Variants in RUVBL1 observed in about 807,000 individuals in gnomAD.
RUVBL1 encodes ruvB-like 1.
Under a neutral mutation model 52.4 loss-of-function variants are expected in RUVBL1, and 4 were observed. The ratio of observed to expected loss-of-function variants is 0.08; its 90% CI spans 0.04 to 0.17. RUVBL1 has a LOEUF of 0.17. Ranked by LOEUF, RUVBL1 falls within the 10% of genes least tolerant of loss-of-function variation. The pLI is 1.00. For synonymous variants in RUVBL1, 217 were observed against 214.4 expected, an observed-to-expected ratio of 1.01 and a Z score of -0.10; for missense variants, 298 against 572.8, an observed-to-expected ratio of 0.52 and a Z score of 4.90.
At chr3:128,149,277 C>T (rs1486332931) in intron 1 of RUVBL1, among the ~76,000 whole-genome samples, 3 of 151,470 alleles carry the variant, frequency 2.0e-5, no homozygotes, top group East Asian at 1.9e-4. Context: ...CTCTGCATCC[C>T]GGGTTCAAGC....
At chr3:128,138,388 A>G (rs1943976239) in intron 1 of RUVBL1, among the ~76,000 whole-genome samples, 1 of 152,192 alleles carries the variant, frequency 6.6e-6, no homozygotes, top group South Asian at 2.1e-4. Context: ...GTCAACATGC[A>G]AAAATCAGTA....
At chr3:128,145,655 T>G (rs1379738651) in intron 1 of RUVBL1, among the ~76,000 whole-genome samples, 1 of 152,062 alleles carries the variant, frequency 6.6e-6, no homozygotes, top group African/African-American at 2.4e-5. Flanking sequence ...CAGGGTGAGC[T>G]GGGGTGGGGT....
chr3:128,067,432 TG>T lies in RUVBL1; in HGVS notation c.940-2213del. 6.2e-7 allele frequency: 1 copy of T among 1,611,976 alleles called. No homozygotes were observed. ...TTCTTCTTCCCCAGGACACGTCTTCTGGGGGCCCAGCACGTGCTTATCCAGT... is the reference window on the plus strand; with the variant it reads ...TTCTTCTTCCCCAGGACACGTCTTCTGGGGCCCAGCACGTGCTTATCCAGT... On this transcript the variant is annotated intron_variant, in intron 9 of 9. Transcript: ENST00000464873. This position sits in a 1 kb window ranked among gnomAD's most constrained non-coding sequence, Gnocchi z 4.1.
At chr3:128,100,059 C>T (rs774206928) in intron 6 of RUVBL1, among the ~76,000 whole-genome samples, 6 of 152,184 alleles carry the variant, frequency 3.9e-5, no homozygotes, top group Non-Finnish European at 7.3e-5. Context: ...CAAACTATTC[C>T]CTAATAGTGA....
At chr3:128,078,507 T>A (rs901453726), downstream of RUVBL1, among the ~76,000 whole-genome samples, 5 of 152,014 alleles carry the variant, frequency 3.3e-5, no homozygotes, top group Non-Finnish European at 4.4e-5. Flanking sequence ...AATTCCTCCC[T>A]CCCTCTCCTC....
At chr3:128,068,758 A>ACTCTTCAGTCTGCACAGTC (rs1392647500) in intron 9 of RUVBL1, 2 of 152,652 alleles carry the variant, frequency 1.3e-5, no homozygotes, top group African/African-American at 4.8e-5. Context: ...CTGCCACAGC[A>ACTCTTCAGTCTGCACAGTC]CTCTTCAGTC....
At chr3:128,152,414 G>A (rs949127528) in intron 1 of RUVBL1, among the ~76,000 whole-genome samples, 2 of 152,110 alleles carry the variant, frequency 1.3e-5, no homozygotes, top group South Asian at 4.1e-4. Flanking sequence ...AACTCAAACA[G>A]CAACTCCTAG....
At chr3:128,122,451 G>A (rs1943671793) in intron 1 of RUVBL1, among the ~76,000 whole-genome samples, 1 of 152,190 alleles carries the variant, frequency 6.6e-6, no homozygotes, top group South Asian at 2.1e-4. Flanking sequence ...CAACTAATAC[G>A]TTGGATATGA....
In RUVBL1 at chr3:128,123,731, G is replaced by A. The variant is rs889599880; in HGVS notation, c.-7C>T. The A allele has an allele frequency of 8.8e-6, 14 of 1,595,448 alleles. No homozygotes were observed. In the African/African-American group the frequency reaches 1.1e-4, roughly 12 times the overall value. ...TCACCTCCTCAATCTTCATTTTGCA[G>A]ACGCCGGGAGCTAAAACCAGCGTGG... On this transcript the variant is annotated 5_prime_UTR_variant, in exon 1 of 11. Coordinates refer to ENST00000322623, the MANE Select transcript of RUVBL1 (RefSeq NM_003707.3).
intron 1 of RUVBL1, among the ~76,000 whole-genome samples, chr3:128,146,845 GTTTGTGT>G (rs1559839536): frequency 6.7e-6 from 1 of 149,542 alleles, no homozygotes; most frequent in African/African-American, 2.5e-5. Context: ...ACTTGTGTGC[GTTTGTGT>G]CTCTGTGAGT....
intron 3 of RUVBL1, among the ~76,000 whole-genome samples, chr3:128,105,267 C>T (rs1943205372): frequency 6.6e-6 from 1 of 151,852 alleles, no homozygotes; most frequent in African/African-American, 2.4e-5. Flanking sequence ...CTACAGGCGC[C>T]CGCCACCACG....
chr3:128,092,845 A>G (rs1942876302), intron 8 of RUVBL1, among the ~76,000 whole-genome samples: 1 of 152,210 alleles, frequency 6.6e-6, no homozygotes, highest in African/African-American at 2.4e-5. Flanking sequence ...ACTCCTAGGT[A>G]CATAACCGAA....
chr3:128,118,456 A>C (rs1943574380), intron 2 of RUVBL1, among the ~76,000 whole-genome samples: 1 of 152,220 alleles, frequency 6.6e-6, no homozygotes, highest in Non-Finnish European at 1.5e-5. Flanking sequence ...GACCTGCCTC[A>C]GGTCTCATAG....
At chr3:128,126,418 C>T (rs376149621), upstream of RUVBL1, among the ~76,000 whole-genome samples, 10 of 152,172 alleles carry the variant, frequency 6.6e-5, no homozygotes, top group East Asian at 5.8e-4. Context: ...TGATGGCAGG[C>T]GCCTGTAACC....
intron 9 of RUVBL1, chr3:128,069,733 G>A (rs1559800336): frequency 1.1e-5 from 14 of 1,287,204 alleles, no homozygotes; most frequent in East Asian, 4.7e-5. Context: ...ATCATGGCGC[G>A]TGCTGCTGCG....
At chr3:128,123,979 C>T (rs1943724153), upstream of RUVBL1, 1 of 922,844 alleles carries the variant, frequency 1.1e-6, no homozygotes, top group Non-Finnish European at 1.3e-6. Flanking sequence ...CCGGCGCTTC[C>T]TGCCGAGGCT....
intron 3 of RUVBL1, among the ~76,000 whole-genome samples, chr3:128,107,582 G>A (rs1033307273): frequency 1.3e-5 from 2 of 152,138 alleles, no homozygotes; most frequent in African/African-American, 2.4e-5. Context: ...ACCCAGTCAG[G>A]ACAAAGACTC....
downstream of RUVBL1, among the ~76,000 whole-genome samples, chr3:128,077,014 A>G (rs952146063): frequency 1.7e-4 from 26 of 151,656 alleles, no homozygotes; most frequent in Non-Finnish European, 3.8e-4. Context: ...GCAGGCGCCC[A>G]TCGGCCCATC....
chr3:128,104,711 C>T (rs1943182802), intron 4 of RUVBL1, 62 bp downstream of exon 4: 3 of 1,465,830 alleles, frequency 2.0e-6, no homozygotes, highest in Non-Finnish European at 2.8e-6. Context: ...GTTACACCAC[C>T]TGCCCAAAGC....
Sources: allele counts gnomAD v4.1 joint callset (sites outside exome capture counted in the v4.1 genomes callset), GRCh38; gene constraint gnomAD v4.1.1; non-coding constraint Gnocchi (gnomAD v3.1); transcripts MANE v1.5; gene names NCBI Gene and HGNC (gene_info 2026-07-23, HGNC 2026-07-21).